GPR26: variants seen among roughly 807,000 people sequenced by gnomAD.
The protein encoded by GPR26 is G protein-coupled receptor 26.
In GPR26, 15 loss-of-function variants were observed where a neutral mutation model predicts 23.1. The ratio of observed to expected loss-of-function variants is 0.65; its 90% CI spans 0.43 to 1.00. The LOEUF (loss-of-function observed/expected upper bound fraction) is 1.00, where lower values mean the gene tolerates loss of function less well. Ranked by LOEUF, GPR26 falls within the 50% of genes least tolerant of loss-of-function variation. The pLI is 0.00. For missense variants in GPR26, 359 were observed against 470.5 expected (o/e 0.76, Z 2.19); for synonymous variants, 228 against 222.1 (o/e 1.03, Z -0.24).
Position 123,674,806 on chromosome 10 carries a change from T to G in GPR26, c.669-12T>G. The stretch of plus-strand genomic sequence containing the variant: ...GCCTCGTAGTTCACCTTCTCTCCTC[T>G]CTCACATGCAGTGTGCGGGAACGCT... On this transcript the variant is annotated splice_polypyrimidine_tract_variant and intron_variant, in intron 1 of 2. Coordinates refer to ENST00000284674, the MANE Select transcript of GPR26 (RefSeq NM_153442.4). This position sits in a 1 kb window ranked among gnomAD's most constrained non-coding sequence, Gnocchi z 4.1. 1 of 1,593,110 alleles carries G rather than the reference T, an allele frequency of 6.3e-7. No individual in the cohort carries two copies. Among genetic ancestry groups the G allele is most frequent in the South Asian group, 1.1e-5 (1 of 90,544 alleles).
rs1564732109 is a variant in GPR26 at position 123,680,823 on chromosome 10, T to TTG, written c.782+5893_782+5894insGT. ...TGGGTTTTTTTTGTTTTGTTTTGTTTTTTTGGGGGGGGGGGTTGTTTTTTT... is the reference window on the plus strand; with the variant it reads ...TGGGTTTTTTTTGTTTTGTTTTGTTTTGTTTTGGGGGGGGGGGTTGTTTTTTT... On this transcript the variant is annotated intron_variant, in intron 2 of 2. Coordinates refer to ENST00000284674, the MANE Select transcript of GPR26 (RefSeq NM_153442.4). Among the ~76,000 whole-genome samples, 275 of 120,174 alleles carry TTG rather than the reference T, an allele frequency of 2.3e-3. 26 individuals carry two copies. The Middle Eastern group carries it at 0.034, about 15-fold the overall frequency. The allele number at this position is 120,174 out of a possible 152,430, so 78.8% of individuals were successfully genotyped here. A position where few individuals can be genotyped will look rare whatever the true frequency, so the allele number is the denominator to read the frequency against.
chr10:123,697,212 T>G lies in GPR26; in HGVS notation c.*9052T>G, dbSNP rs911735646. Among the ~76,000 whole-genome samples, 1 of 152,228 alleles carries G rather than the reference T, an allele frequency of 6.6e-6. No homozygotes were observed. Among genetic ancestry groups the G allele is most frequent in the African/African-American group, 2.4e-5 (1 of 41,462 alleles). The stretch of plus-strand genomic sequence containing the variant: ...TCTGTGTAATCCACTTGCCAACAGC[T>G]GTTTTCTGTTGAAATGGGACTCAAG... On this transcript the variant is annotated 3_prime_UTR_variant, in exon 3 of 3. Transcript: ENST00000284674.
At chr10:123,667,561 CTGTGTGTGTGTGTGTGTGTGTGTGTGTG>C (rs71026066) in intron 1 of GPR26, among the ~76,000 whole-genome samples, 1 of 125,084 alleles carries the variant, frequency 8.0e-6, no homozygotes, top group African/African-American at 3.1e-5. Context: ...TGTCTCACGA[CTGTGTGTGTGTGTGTGTGTGTGTGTGTG>C]TGTGTGTGTG....
intron 2 of GPR26, among the ~76,000 whole-genome samples, chr10:123,680,840 T>TG (rs1845366136): frequency 1.1e-5 from 1 of 90,726 alleles, no homozygotes; most frequent in East Asian, 3.1e-4. Context: ...GGGGGGGGGT[T>TG]GTTTTTTTGT....
intron 1 of GPR26, among the ~76,000 whole-genome samples, chr10:123,672,441 G>A (rs1030280178): frequency 5.9e-5 from 9 of 152,124 alleles, no homozygotes; most frequent in African/African-American, 1.9e-4. Flanking sequence ...TGGCAGGCCC[G>A]GTGCCATTAA....
intron 2 of GPR26, among the ~76,000 whole-genome samples, chr10:123,683,353 G>A (rs1211562204): frequency 2.0e-5 from 3 of 152,230 alleles, no homozygotes; most frequent in Non-Finnish European, 4.4e-5. Context: ...GTGATACTGG[G>A]GTCCTGAGAT....
chr10:123,695,654 C>T lies in GPR26; in HGVS notation c.*7494C>T, dbSNP rs1845536085. ...CAGACCATAGTGACTGCTCATGCAT[C>T]GGCTGAAATACCAAACACCCTGCAC... On this transcript the variant is annotated 3_prime_UTR_variant, in exon 3 of 3. Coordinates refer to ENST00000284674, the MANE Select transcript of GPR26 (RefSeq NM_153442.4). Among the ~76,000 whole-genome samples the T allele has an allele frequency of 6.6e-6, 1 of 152,108 alleles. No homozygotes were observed.
intron 2 of GPR26, among the ~76,000 whole-genome samples, chr10:123,682,245 A>G (rs1195593553): frequency 1.3e-5 from 2 of 152,104 alleles, no homozygotes. Context: ...CTCCCATGTC[A>G]CTGACAGTAG....
At chr10:123,668,150 C>T (rs1312599752) in intron 1 of GPR26, among the ~76,000 whole-genome samples, 2 of 152,108 alleles carry the variant, frequency 1.3e-5, no homozygotes, top group East Asian at 3.9e-4. Context: ...CCCAGGGGAG[C>T]CTCGGGGCAG....
At position 123,689,329 on chromosome 10, in the gene GPR26, A is replaced by G. The variant is rs1219821; in HGVS notation, c.*1169A>G. 150,613 of 152,154 alleles carry G rather than the reference A, an allele frequency of 0.99. 74,565 individuals are homozygous for G. The highest frequency in any genetic ancestry group is 1 in the East Asian group (5,178 of 5,178). The allele number at this position is 152,154 out of a possible 1,614,324, so 9.4% of individuals were successfully genotyped here. A position where few individuals can be genotyped will look rare whatever the true frequency, so the allele number is the denominator to read the frequency against. On this transcript the variant is annotated 3_prime_UTR_variant, in exon 3 of 3. Coordinates refer to ENST00000284674, the MANE Select transcript of GPR26 (RefSeq NM_153442.4). ...TGCAATGGTGCGATCTAGGCTCACC[A>G]CAACCTCTGCCTTCCAGGTTCAAGT... is the stretch of plus-strand genomic sequence containing the variant.
Position 123,674,124 on chromosome 10 carries a change from A to G in GPR26, c.669-694A>G, listed in dbSNP as rs1845281043. Among the ~76,000 whole-genome samples, 1 of 151,982 alleles carries G rather than the reference A, an allele frequency of 6.6e-6. No homozygotes were observed. The highest frequency in any genetic ancestry group is 1.5e-5 in the Non-Finnish European group (1 of 67,984). On this transcript the variant is annotated intron_variant, in intron 1 of 2. Transcript: ENST00000284674. This position sits in a 1 kb window ranked among gnomAD's most constrained non-coding sequence, Gnocchi z 4.1. ...AGGAGCCCACCACCACGCATGGCTAATTTTTGTATTTTTGGTACAGGCGAG... is the reference window on the plus strand; with the variant it reads ...AGGAGCCCACCACCACGCATGGCTAGTTTTTGTATTTTTGGTACAGGCGAG...
Position 123,667,056 on chromosome 10 carries a change from C to T in GPR26, c.649C>T (p.Leu217=). 1.3e-6 allele frequency: 2 copies of T among 1,594,266 alleles called. No homozygotes were observed. Among genetic ancestry groups the T allele is most frequent in the South Asian group, 1.1e-5 (1 of 88,070 alleles). The part of the protein sequence containing the change: ...DVITMQTLVL[L]VDLHPSVRER... ...GATCACCATGCAGACGCTGGTGCTG[C>T]TGGTGGACCTGCACCCCAGGTGAGC... is the stretch of plus-strand genomic sequence containing the variant. The change falls in exon 1 of 3, where the codon CTG becomes TTG. Residue 217 remains leucine (L), a synonymous_variant. Transcript: ENST00000284674.
At chr10:123,672,649 G>A (rs1845264630) in intron 1 of GPR26, among the ~76,000 whole-genome samples, 1 of 152,206 alleles carries the variant, frequency 6.6e-6, no homozygotes, top group Non-Finnish European at 1.5e-5. Flanking sequence ...GAGCTCTGTG[G>A]CTTTGGAGGT....
rs1298420618 is a variant in GPR26, at chr10:123,687,969, T to TG, written c.829dup (p.Val277GlyfsTer61). 3.1e-6 allele frequency: 5 copies of TG among 1,613,704 alleles called. No individual in the cohort carries two copies. Among genetic ancestry groups the TG allele is most frequent in the African/African-American group, 2.7e-5 (2 of 74,906 alleles). On this transcript the variant is annotated frameshift_variant, in exon 3 of 3. Coordinates refer to ENST00000284674, the MANE Select transcript of GPR26 (RefSeq NM_153442.4). LOFTEE classifies it high-confidence loss of function. The stretch of plus-strand genomic sequence containing the variant: ...CTCCACGGTGCCCATCGGCTCCCAC[T>TG]GGGGGGTGCTGTCCAAGTGCTTGGC...
chr10:123,675,414 C>T (rs1428744997), intron 2 of GPR26, among the ~76,000 whole-genome samples: 1 of 152,150 alleles, frequency 6.6e-6, no homozygotes, highest in African/African-American at 2.4e-5. Context: ...TGCTCTGTGT[C>T]CAGCCAGGTG....
Position 123,666,864 on chromosome 10 carries a change from T to C in GPR26, c.457T>C (p.Tyr153His). The stretch of plus-strand genomic sequence containing the variant: ...GTCCTGGCTCGGCTTCCACCAGCTG[T>C]ACGCCTCGTGCACGCTGTGCAGCCG... ...ALSWLGFHQL[Y>H]ASCTLCSRRP... Residue 153 changes from tyrosine to histidine, a missense_variant, in exon 1 of 3, where the codon TAC (tyrosine) becomes CAC (histidine). Physicochemically the swap from Tyr to His is moderately conservative, Grantham distance 83. Coordinates refer to ENST00000284674, the MANE Select transcript of GPR26 (RefSeq NM_153442.4). The C allele has an allele frequency of 6.2e-7, 1 of 1,611,170 alleles. No homozygotes were observed.
At chr10:123,682,003 G>A (rs377688870) in intron 2 of GPR26, among the ~76,000 whole-genome samples, 1 of 152,162 alleles carries the variant, frequency 6.6e-6, no homozygotes. Flanking sequence ...AAAGGTCAGC[G>A]TCAGGCCAGT....
Position 123,695,707 on chromosome 10 carries a change from CACTCA to C in GPR26, c.*7553_*7557del, listed in dbSNP as rs1274944112. On this transcript the variant is annotated 3_prime_UTR_variant, in exon 3 of 3. Coordinates refer to ENST00000284674, the MANE Select transcript of GPR26 (RefSeq NM_153442.4). The stretch of plus-strand genomic sequence containing the variant: ...AAAGACTCAGCTTGACATTGCTTTG[CACTCA>C]ACTCATGTATTACCAAATCTTTGCT... Among the ~76,000 whole-genome samples the C allele has an allele frequency of 6.6e-6, 1 of 152,162 alleles. No homozygotes were observed. Among genetic ancestry groups the C allele is most frequent in the Non-Finnish European group, 1.5e-5 (1 of 68,036 alleles).
At position 123,674,849 on chromosome 10, in the gene GPR26, C is replaced by A. The variant is rs777716254; in HGVS notation, c.700C>A (p.Arg234=). ...VRERCLEEQK[R]RRQRATKKIS... ...GGAACGCTGTCTGGAGGAGCAGAAG[C>A]GGAGGCGACAGCGAGCCACCAAGAA... The change falls in exon 2 of 3, where the codon CGG becomes AGG. Residue 234 remains arginine (R), a synonymous_variant. Coordinates refer to ENST00000284674, the MANE Select transcript of GPR26 (RefSeq NM_153442.4). This position sits in a 1 kb window ranked among gnomAD's most constrained non-coding sequence, Gnocchi z 4.1. 8.7e-6 allele frequency: 14 copies of A among 1,613,110 alleles called. No homozygotes were observed. The Admixed American group carries it at 1.7e-4, about 19-fold the overall frequency.
Sources: allele counts gnomAD v4.1 joint callset (sites outside exome capture counted in the v4.1 genomes callset), GRCh38; gene constraint gnomAD v4.1.1; non-coding constraint Gnocchi (gnomAD v3.1); transcripts MANE v1.5; gene names NCBI Gene and HGNC (gene_info 2026-07-23, HGNC 2026-07-21).